Variants in IL7 observed in about 807,000 individuals in gnomAD.
The protein encoded by IL7 is interleukin 7.
Under a neutral mutation model 21.6 loss-of-function variants are expected in IL7, and 3 were observed. The observed-to-expected ratio is 0.14, with a 90% CI of 0.06 to 0.36. The LOEUF (loss-of-function observed/expected upper bound fraction) is 0.36, where lower values mean the gene tolerates loss of function less well. IL7 is among the 10% of genes least tolerant of loss of function. IL7 has a pLI of 1.00. For missense variants in IL7, 175 were observed against 200.2 expected (o/e 0.87, Z 0.76); for synonymous variants, 62 against 68.1 (o/e 0.91, Z 0.44).
chr8:78,766,177 C>T (rs1000257066), intron 2 of IL7, among the ~76,000 whole-genome samples: 1 of 152,000 alleles, frequency 6.6e-6, no homozygotes, highest in African/African-American at 2.4e-5. Context: ...TAAGAGGGAG[C>T]AAGTGGATGA....
chr8:78,703,979 T>C lies in IL7; in HGVS notation n.214+17369A>G, dbSNP rs936849983. Among the ~76,000 whole-genome samples, 22 of 152,188 alleles carry C rather than the reference T, an allele frequency of 1.4e-4. 1 individual carries two copies. Among genetic ancestry groups the C allele is most frequent in the Admixed American group, 1.4e-3 (22 of 15,274 alleles). The stretch of plus-strand genomic sequence containing the variant: ...AGGAGCTCTTGTAAGGCAGGTCTGG[T>C]GGTAACAAATTCCTACAGCATTTGC... On this transcript the variant is annotated intron_variant and non_coding_transcript_variant, in intron 3 of 4. Transcript: ENST00000523959.
At chr8:78,697,472 A>G in intron 3 of IL7, 1 of 1,609,840 alleles carries the variant, frequency 6.2e-7, no homozygotes, top group Non-Finnish European at 8.5e-7. Flanking sequence ...CTTCACGATT[A>G]CCGCAGCCAA....
At position 78,797,940 on chromosome 8, in the gene IL7, A is replaced by G. The variant is rs545373993; in HGVS notation, c.147+132T>C. On this transcript the variant is annotated intron_variant, in intron 2 of 5. Coordinates refer to ENST00000263851, the MANE Select transcript of IL7 (RefSeq NM_000880.4). Reference sequence around the variant, plus strand: ...TATAAAAATATACAGTTAGTAGCTCATTAAATTTTATTCTATAGTTACTTC... The same window carrying G: ...TATAAAAATATACAGTTAGTAGCTCGTTAAATTTTATTCTATAGTTACTTC... 15 of 616,372 alleles carry G rather than the reference A, an allele frequency of 2.4e-5. No homozygotes were observed. In the South Asian group the frequency reaches 4.0e-4, roughly 16 times the overall value. 38.2% of individuals were successfully genotyped at this position (616,372 alleles called of 1,614,324 possible).
chr8:78,736,998 C>T (rs1811615554), intron 4 of IL7, among the ~76,000 whole-genome samples: 1 of 152,058 alleles, frequency 6.6e-6, no homozygotes, highest in African/African-American at 2.4e-5. Flanking sequence ...TAGCTGACTG[C>T]TTTAACATCT....
At chr8:78,711,637 A>G (rs944144211) in intron 3 of IL7, among the ~76,000 whole-genome samples, 6 of 152,134 alleles carry the variant, frequency 3.9e-5, no homozygotes, top group African/African-American at 1.4e-4. Context: ...GGAGGAAGAA[A>G]AATCATTTGT....
chr8:78,779,614 C>T (rs963733280), intron 2 of IL7, among the ~76,000 whole-genome samples: 1 of 151,964 alleles, frequency 6.6e-6, no homozygotes, highest in East Asian at 1.9e-4. Context: ...ATAAGCTTTT[C>T]GATGTGCTCC....
At chr8:78,773,739 T>G (rs765595540) in intron 2 of IL7, among the ~76,000 whole-genome samples, 5 of 152,152 alleles carry the variant, frequency 3.3e-5, no homozygotes, top group African/African-American at 4.8e-5. Flanking sequence ...TGGCGATTAG[T>G]ACATGTTTGG....
rs1032424147 is a variant in IL7, at chr8:78,738,562, T to C, written c.302A>G (p.Asp101Gly). Reference sequence around the variant, plus strand: ...TTCTGAAACTTTTAATAAGTGGAGATCAAAATCACCAGTGCTATTCATTTT... The same window carrying C: ...TTCTGAAACTTTTAATAAGTGGAGACCAAAATCACCAGTGCTATTCATTTT... ...FLKMNSTGDF[D>G]LHLLKVSEGT... The change falls in exon 4 of 6, where the codon GAT (aspartate) becomes GGT (glycine). Residue 101 changes from aspartate to glycine, a missense_variant. Asp to Gly is a moderately conservative substitution (Grantham distance 94). Transcript: ENST00000263851. 1.2e-6 allele frequency: 2 copies of C among 1,613,484 alleles called. No homozygotes were observed. Among genetic ancestry groups the C allele is most frequent in the African/African-American group, 2.7e-5 (2 of 74,896 alleles).
chr8:78,789,383 A>G (rs888604938), intron 2 of IL7, among the ~76,000 whole-genome samples: 12 of 152,188 alleles, frequency 7.9e-5, no homozygotes, highest in African/African-American at 2.7e-4. Context: ...ATCAATTTAC[A>G]TTTTCCTTAT....
At chr8:78,778,704 T>C (rs1267974942) in intron 2 of IL7, among the ~76,000 whole-genome samples, 1 of 152,152 alleles carries the variant, frequency 6.6e-6, no homozygotes, top group Non-Finnish European at 1.5e-5. Context: ...TTCTTTTTGC[T>C]TAGGATTGTC....
intron 2 of IL7, among the ~76,000 whole-genome samples, chr8:78,779,334 TC>T (rs1302978610): frequency 6.6e-6 from 1 of 152,244 alleles, no homozygotes; most frequent in African/African-American, 2.4e-5. Context: ...GAGGAATGCT[TC>T]CAGCTTTTGT....
chr8:78,803,676 G>A (rs1413421839), intron 1 of IL7, among the ~76,000 whole-genome samples: 1 of 152,182 alleles, frequency 6.6e-6, no homozygotes, highest in Non-Finnish European at 1.5e-5. Flanking sequence ...GGTGTTGCAA[G>A]GATTAGAACC....
intron 2 of IL7, among the ~76,000 whole-genome samples, chr8:78,782,245 C>A (rs976802384): frequency 1.3e-5 from 2 of 152,172 alleles, no homozygotes; most frequent in African/African-American, 4.8e-5. Flanking sequence ...CAGCCCAGTT[C>A]TGTGCCTTGT....
At chr8:78,684,559 T>C (rs148538323) in intron 4 of IL7, among the ~76,000 whole-genome samples, 2 of 152,278 alleles carry the variant, frequency 1.3e-5, no homozygotes, top group African/African-American at 2.4e-5. Flanking sequence ...TCAATAGATA[T>C]TTGAAAAGAC....
intron 2 of IL7, among the ~76,000 whole-genome samples, chr8:78,791,224 A>G (rs1586109850): frequency 6.6e-6 from 1 of 152,194 alleles, no homozygotes; most frequent in East Asian, 1.9e-4. Flanking sequence ...TGGTGCCCAA[A>G]TTGAACCATC....
chr8:78,741,381 C>T (rs1016089755), intron 2 of IL7, among the ~76,000 whole-genome samples: 2 of 152,134 alleles, frequency 1.3e-5, no homozygotes, highest in Non-Finnish European at 2.9e-5. Flanking sequence ...CCCCATACCC[C>T]AAGGACAATA....
intron 2 of IL7, chr8:78,760,541 C>A: frequency 6.5e-7 from 1 of 1,541,590 alleles, no homozygotes; most frequent in Non-Finnish European, 8.7e-7. Flanking sequence ...TAAGTCACTT[C>A]TATACATGTC....
chr8:78,794,952 C>A (rs1267272297), intron 2 of IL7, among the ~76,000 whole-genome samples: 5 of 152,030 alleles, frequency 3.3e-5, no homozygotes, highest in African/African-American at 9.7e-5. Flanking sequence ...ACATATCAGG[C>A]CCTAAATAAA....
chr8:78,725,688 C>T (rs1300343793), intron 3 of IL7, among the ~76,000 whole-genome samples: 1 of 151,918 alleles, frequency 6.6e-6, no homozygotes, highest in East Asian at 1.9e-4. Flanking sequence ...AGACATCTTC[C>T]TTAACCCAAT....
Sources: allele counts gnomAD v4.1 joint callset (sites outside exome capture counted in the v4.1 genomes callset), GRCh38; gene constraint gnomAD v4.1.1; transcripts MANE v1.5; gene names NCBI Gene and HGNC (gene_info 2026-07-23, HGNC 2026-07-21).